The following SCN8A variants were observed in gnomAD, a reference collection of about 807,000 sequenced individuals.
SCN8A encodes the protein sodium voltage-gated channel alpha subunit 8.
A neutral mutation model predicts 184.1 loss-of-function variants in SCN8A; 30 were observed. That is an observed-to-expected ratio of 0.16 (90% CI 0.12 to 0.22). The LOEUF (loss-of-function observed/expected upper bound fraction) is 0.22, where lower values mean the gene tolerates loss of function less well. Among genes scored for constraint, SCN8A ranks in the 10% least tolerant of loss-of-function variants. The probability of loss-of-function intolerance (pLI) is 1.00; values close to 1 mark genes in which losing one functional copy is unlikely to be tolerated. For synonymous variants in SCN8A, 852 were observed against 907.0 expected, an observed-to-expected ratio of 0.94 and a Z score of 1.09; for missense variants, 1,057 against 2,498.9, an observed-to-expected ratio of 0.42 and a Z score of 12.30.
In SCN8A at chr12:51,664,953, G is replaced by T. The variant is rs563429641; in HGVS notation, c.276+1860G>T. Among the ~76,000 whole-genome samples the T allele has an allele frequency of 2.0e-5, 3 of 152,172 alleles. No individual in the cohort carries two copies. The South Asian group carries it at 6.2e-4, about 32-fold the overall frequency. On this transcript the variant is annotated intron_variant, in intron 2 of 26. Transcript: ENST00000627620. Reference sequence around the variant, plus strand: ...TGTGTCCATGTGTTCTCATGATTCAGCTCCCACTTATAAGTAAGAATGTGT... The same window carrying T: ...TGTGTCCATGTGTTCTCATGATTCATCTCCCACTTATAAGTAAGAATGTGT...
At chr12:51,744,177 C>T (rs1308686461) in intron 12 of SCN8A, among the ~76,000 whole-genome samples, 1 of 152,034 alleles carries the variant, frequency 6.6e-6, no homozygotes, top group East Asian at 1.9e-4. Context: ...CTTGTGTATG[C>T]CTGTAATCCC....
At chr12:51,775,472 C>G (rs1005022294) in intron 20 of SCN8A, among the ~76,000 whole-genome samples, 2 of 152,180 alleles carry the variant, frequency 1.3e-5, no homozygotes, top group Non-Finnish European at 1.5e-5. Flanking sequence ...CAGTTGCATC[C>G]CCATTTCAAA....
intron 12 of SCN8A, among the ~76,000 whole-genome samples, chr12:51,725,984 TCA>T (rs1293112910): frequency 6.6e-6 from 1 of 152,236 alleles, no homozygotes; most frequent in African/African-American, 2.4e-5. Flanking sequence ...CGCACTGGTC[TCA>T]CACAATATTC....
At chr12:51,638,718 T>C (rs965011921) in intron 1 of SCN8A, among the ~76,000 whole-genome samples, 5 of 151,982 alleles carry the variant, frequency 3.3e-5, no homozygotes, top group Non-Finnish European at 7.4e-5. Flanking sequence ...ATCTCTTGAC[T>C]TCATGATCCA....
In SCN8A at chr12:51,716,266, G is replaced by C. The variant is rs1414172034; in HGVS notation, c.1636-5280G>C. Among the ~76,000 whole-genome samples, 4 of 152,148 alleles carry C rather than the reference G, an allele frequency of 2.6e-5. No individual in the cohort carries two copies. The East Asian group carries it at 7.7e-4, about 29-fold the overall frequency. On this transcript the variant is annotated intron_variant, in intron 11 of 26. Coordinates refer to ENST00000627620, the MANE Select transcript of SCN8A (RefSeq NM_001330260.2). ...GCTACTTGGGAGGCTGAGGTGAGAG[G>C]ATCACTTGAGCCCAGGAGGTTGAGG...
In SCN8A at chr12:51,739,175, T is replaced by A. The variant is rs564236055; in HGVS notation, c.1999-6728T>A. ...TCTTTTTTAGTATGAATAGCTTTTT[T>A]AAATTCTTTGAGTAATTTAAAAGGA... On this transcript the variant is annotated intron_variant, in intron 12 of 26. Coordinates refer to ENST00000627620, the MANE Select transcript of SCN8A (RefSeq NM_001330260.2). 1.2e-3 allele frequency among the ~76,000 whole-genome samples: 177 copies of A among 152,330 alleles called. 3 individuals are homozygous for A. The South Asian group carries it at 0.027, about 23-fold the overall frequency.
intron 13 of SCN8A, 90 bp from the exon 14 acceptor site, chr12:51,751,265 A>G: frequency 2.4e-6 from 2 of 838,858 alleles, no homozygotes; most frequent in South Asian, 1.6e-5. Context: ...TTCCATATTA[A>G]TAACAGTGAT....
intron 26 of SCN8A, among the ~76,000 whole-genome samples, chr12:51,799,868 C>T (rs920385257): frequency 3.3e-5 from 5 of 152,218 alleles, no homozygotes; most frequent in Non-Finnish European, 5.9e-5. Context: ...GGCCCCTCAG[C>T]ACTGGGCCCC....
At chr12:51,686,905 G>T (rs1941429070) in intron 4 of SCN8A, among the ~76,000 whole-genome samples, 186 bp from the exon 5 acceptor site, 1 of 152,082 alleles carries the variant, frequency 6.6e-6, no homozygotes, top group Admixed American at 6.6e-5. Context: ...GTCTTAGTTT[G>T]TGCATTTCAG....
intron 26 of SCN8A, among the ~76,000 whole-genome samples, chr12:51,801,305 TC>T (rs1332990182): frequency 6.6e-6 from 1 of 152,174 alleles, no homozygotes; most frequent in Non-Finnish European, 1.5e-5. Context: ...TGACTGCAGT[TC>T]CCACTGTAAG....
intron 12 of SCN8A, among the ~76,000 whole-genome samples, chr12:51,743,887 G>A (rs527384276): frequency 3.9e-5 from 6 of 152,348 alleles, no homozygotes; most frequent in African/African-American, 1.2e-4. Flanking sequence ...CCTGAGGCCA[G>A]GAGTTTGATA....
chr12:51,776,574 G>C (rs916920761), intron 20 of SCN8A, among the ~76,000 whole-genome samples: 3 of 152,238 alleles, frequency 2.0e-5, no homozygotes, highest in African/African-American at 7.2e-5. Flanking sequence ...AGCTTCCATA[G>C]CAACTATGTC....
At chr12:51,630,640 C>T (rs1017217902) in intron 1 of SCN8A, among the ~76,000 whole-genome samples, 2 of 152,026 alleles carry the variant, frequency 1.3e-5, no homozygotes, top group Admixed American at 6.6e-5. Flanking sequence ...GGCGTCTGTC[C>T]GGAAAGGCTC....
chr12:51,657,407 G>A (rs1311741925), intron 1 of SCN8A, among the ~76,000 whole-genome samples: 1 of 151,990 alleles, frequency 6.6e-6, no homozygotes, highest in Non-Finnish European at 1.5e-5. Context: ...TTACATATAC[G>A]TTTTGGCCAT....
At chr12:51,645,157 G>C (rs1317219805) in intron 1 of SCN8A, among the ~76,000 whole-genome samples, 7 of 149,016 alleles carry the variant, frequency 4.7e-5, no homozygotes, top group East Asian at 4.0e-4. Flanking sequence ...CTACTGGGAA[G>C]TGAGGAGCCC....
At chr12:51,646,440 A>G (rs1940591910) in intron 1 of SCN8A, among the ~76,000 whole-genome samples, 1 of 152,244 alleles carries the variant, frequency 6.6e-6, no homozygotes, top group Non-Finnish European at 1.5e-5. Context: ...TTGGATGACA[A>G]GATTTGAAGA....
intron 22 of SCN8A, 63 bp from the exon 23 acceptor site, chr12:51,788,632 C>T (rs1003894512): frequency 4.4e-6 from 6 of 1,354,280 alleles, no homozygotes; most frequent in Non-Finnish European, 6.1e-6. Context: ...CTTTGGGACC[C>T]CTGCCTAGAC....
At position 51,812,321 on chromosome 12, in the gene SCN8A, G is replaced by A. The variant is rs1207775781; in HGVS notation, c.*4892G>A. ...CTGTCCCTAGCTTGACCGCTGGCTC[G>A]CTGTGTGGCCTTGGGCAAGTCACTT... On this transcript the variant is annotated 3_prime_UTR_variant, in exon 27 of 27. Transcript: ENST00000627620. The A allele has an allele frequency of 1.9e-5, 3 of 157,678 alleles. No homozygotes were observed. Among genetic ancestry groups the A allele is most frequent in the Non-Finnish European group, 4.2e-5 (3 of 71,832 alleles). 9.8% of individuals were successfully genotyped at this position (157,678 alleles called of 1,614,324 possible).
intron 9 of SCN8A, among the ~76,000 whole-genome samples, 179 bp downstream of exon 9, chr12:51,703,093 G>A (rs1324425576): frequency 2.0e-5 from 3 of 152,128 alleles, no homozygotes; most frequent in Admixed American, 6.5e-5. Context: ...CCTGTTTCTC[G>A]AATGCTCAGT....
Sources: allele counts gnomAD v4.1 joint callset (sites outside exome capture counted in the v4.1 genomes callset), GRCh38; gene constraint gnomAD v4.1.1; transcripts MANE v1.5; gene names NCBI Gene and HGNC (gene_info 2026-07-23, HGNC 2026-07-21).